The following COMMD1 variants were observed in gnomAD, a reference collection of about 807,000 sequenced individuals.
COMMD1 encodes the protein copper metabolism domain containing 1.
COMMD1 carries 10 observed loss-of-function variants against 17.2 expected under a neutral mutation model. That is an observed-to-expected ratio of 0.58 (90% CI 0.36 to 0.99). The LOEUF (loss-of-function observed/expected upper bound fraction) is 0.99. COMMD1 is among the 50% of genes least tolerant of loss of function. The pLI, the probability that COMMD1 is intolerant of heterozygous loss-of-function variation, is 0.01. For missense variants in COMMD1, 270 were observed against 231.8 expected (o/e 1.17, Z -1.07); for synonymous variants, 97 against 91.6 (o/e 1.06, Z -0.34).
At chr2:61,903,928 T>TCACCATGAA (rs1341244941), upstream of COMMD1, among the ~76,000 whole-genome samples, 1 of 152,296 alleles carries the variant, frequency 6.6e-6, no homozygotes, top group East Asian at 1.9e-4. Flanking sequence ...CAGGGTACGT[T>TCACCATGAA]CATAAAGGTG....
chr2:62,122,831 T>G (rs1230972735), intron 2 of COMMD1, among the ~76,000 whole-genome samples: 1 of 152,202 alleles, frequency 6.6e-6, no homozygotes, highest in Admixed American at 6.5e-5. Context: ...CCACTTTCTC[T>G]CTTCTTGGAA....
At chr2:62,109,740 G>T (rs1672405095) in intron 2 of COMMD1, among the ~76,000 whole-genome samples, 1 of 151,934 alleles carries the variant, frequency 6.6e-6, no homozygotes, top group Non-Finnish European at 1.5e-5. Context: ...TGTTATCAAA[G>T]GACAGAGGTG....
At chr2:62,120,835 G>A (rs937948892) in intron 2 of COMMD1, among the ~76,000 whole-genome samples, 1 of 151,972 alleles carries the variant, frequency 6.6e-6, no homozygotes, top group East Asian at 1.9e-4. Context: ...CAGCCCTCCT[G>A]CCTCAGCCTC....
intron 1 of COMMD1, among the ~76,000 whole-genome samples, chr2:61,897,550 C>T (rs1481868757): frequency 1.3e-5 from 2 of 152,130 alleles, no homozygotes; most frequent in Non-Finnish European, 2.9e-5. Context: ...GAGTTTGACA[C>T]CAGCCTGGCC....
At chr2:62,045,387 C>T (rs1180532290) in intron 2 of COMMD1, among the ~76,000 whole-genome samples, 1 of 152,104 alleles carries the variant, frequency 6.6e-6, no homozygotes, top group Non-Finnish European at 1.5e-5. Flanking sequence ...CACATGGCTG[C>T]TGAGCAGTAA....
intron 1 of COMMD1, among the ~76,000 whole-genome samples, chr2:61,984,355 T>C (rs896715784): frequency 1.3e-5 from 2 of 152,202 alleles, no homozygotes; most frequent in African/African-American, 4.8e-5. Flanking sequence ...TTTCAATAAA[T>C]TTTTTAATTT....
intron 2 of COMMD1, among the ~76,000 whole-genome samples, chr2:62,069,140 T>G (rs1297502737): frequency 6.6e-6 from 1 of 152,182 alleles, no homozygotes; most frequent in African/African-American, 2.4e-5. Context: ...TTTCTGATAT[T>G]AACTTCAGAT....
At chr2:62,116,892 G>A (rs1672621172) in intron 2 of COMMD1, among the ~76,000 whole-genome samples, 1 of 151,288 alleles carries the variant, frequency 6.6e-6, no homozygotes, top group African/African-American at 2.4e-5. Context: ...CTACTCAGAA[G>A]GCTGAGGCAA....
At chr2:61,899,914 C>T (rs761145253) in intron 1 of COMMD1, among the ~76,000 whole-genome samples, 44 of 152,252 alleles carry the variant, frequency 2.9e-4, no homozygotes, top group East Asian at 5.8e-4. Context: ...TCAAGTGATC[C>T]GCCCACCTTG....
intron 2 of COMMD1, among the ~76,000 whole-genome samples, chr2:62,127,466 A>T (rs888490381): frequency 2.0e-5 from 3 of 152,214 alleles, no homozygotes. Context: ...ATGCTACCAG[A>T]CTTCAAACTA....
At chr2:61,957,087 C>CGT (rs10679710) in intron 1 of COMMD1, among the ~76,000 whole-genome samples, 23,769 of 146,366 alleles carry the variant, frequency 0.16, 1,873 homozygotes, top group East Asian at 0.19. Context: ...AAGATGGATG[C>CGT]GTGTGTGTGT....
At chr2:61,966,222 A>G (rs762865678) in intron 1 of COMMD1, among the ~76,000 whole-genome samples, 2 of 152,074 alleles carry the variant, frequency 1.3e-5, no homozygotes, top group Non-Finnish European at 2.9e-5. Flanking sequence ...GTTTACTGTT[A>G]AACTGCCTGC....
At position 62,058,929 on chromosome 2, in the gene COMMD1, T is replaced by C. The variant is rs888193233; in HGVS notation, c.462+57947T>C. Among the ~76,000 whole-genome samples, 13 of 151,448 alleles carry C rather than the reference T, an allele frequency of 8.6e-5. No individual in the cohort carries two copies. The East Asian group carries it at 2.4e-3, about 28-fold the overall frequency. On this transcript the variant is annotated intron_variant, in intron 2 of 2. Coordinates refer to ENST00000311832, the MANE Select transcript of COMMD1 (RefSeq NM_152516.4). ...CCGAGTAGCTGGGATTACAGGCATGTGCTGCCATGCCCAGCTAATTTTGTA... is the reference window on the plus strand; with the variant it reads ...CCGAGTAGCTGGGATTACAGGCATGCGCTGCCATGCCCAGCTAATTTTGTA...
chr2:62,118,955 C>T (rs533689753), intron 2 of COMMD1: 1 of 152,332 alleles, frequency 6.6e-6, no homozygotes, highest in East Asian at 1.9e-4. Context: ...ACAGGACCCT[C>T]TAAGCACTGG....
At chr2:62,005,948 A>T (rs1669100465) in intron 2 of COMMD1, among the ~76,000 whole-genome samples, 2 of 152,018 alleles carry the variant, frequency 1.3e-5, no homozygotes, top group Admixed American at 6.6e-5. Flanking sequence ...ACCAACCCAA[A>T]TGTCCAACAA....
At chr2:62,087,868 C>T (rs1394472421) in intron 2 of COMMD1, among the ~76,000 whole-genome samples, 3 of 152,214 alleles carry the variant, frequency 2.0e-5, no homozygotes, top group East Asian at 3.8e-4. Context: ...ATTGGAGACG[C>T]TTTGCCTTAC....
rs139185405 is a variant in COMMD1, at chr2:62,120,209, A to G, written c.463-15622A>G. On this transcript the variant is annotated intron_variant, in intron 2 of 2. Coordinates refer to ENST00000311832, the MANE Select transcript of COMMD1 (RefSeq NM_152516.4). ...GAGAATGGGTTTCACCATGTTGCCC[A>G]GGCTAGTCTTGAACTCCCCAGACTG... Among the ~76,000 whole-genome samples, 1,253 of 151,940 alleles carry G rather than the reference A, an allele frequency of 8.2e-3. 16 individuals carry two copies. Among genetic ancestry groups the G allele is most frequent in the African/African-American group, 0.029 (1,200 of 41,440 alleles).
At chr2:61,908,954 C>T (rs1013451895) in intron 1 of COMMD1, among the ~76,000 whole-genome samples, 6 of 151,924 alleles carry the variant, frequency 3.9e-5, no homozygotes, top group East Asian at 1.9e-4. Flanking sequence ...GACGGAGTAT[C>T]GCTCTTGTTG....
At chr2:61,921,968 C>T (rs886746634) in intron 1 of COMMD1, among the ~76,000 whole-genome samples, 1 of 152,064 alleles carries the variant, frequency 6.6e-6, no homozygotes, top group Non-Finnish European at 1.5e-5. Context: ...AGTAAGAAGA[C>T]TGTTTTCCTG....
Sources: allele counts gnomAD v4.1 joint callset (sites outside exome capture counted in the v4.1 genomes callset), GRCh38; gene constraint gnomAD v4.1.1; transcripts MANE v1.5; gene names NCBI Gene and HGNC (gene_info 2026-07-23, HGNC 2026-07-21).